RHBDL3: variants seen among roughly 807,000 people sequenced by gnomAD.
RHBDL3 encodes rhomboid-related protein 3.
Under a neutral mutation model 48.2 loss-of-function variants are expected in RHBDL3, and 28 were observed. That is an observed-to-expected ratio of 0.58 (90% CI 0.43 to 0.80). The LOEUF (loss-of-function observed/expected upper bound fraction) is 0.80. Ranked by LOEUF, RHBDL3 falls within the 30% of genes least tolerant of loss-of-function variation. The pLI, the probability that RHBDL3 is intolerant of heterozygous loss-of-function variation, is 0.00. For synonymous variants in RHBDL3, 208 were observed against 232.3 expected, an observed-to-expected ratio of 0.90 and a Z score of 0.95; for missense variants, 464 against 542.7, an observed-to-expected ratio of 0.85 and a Z score of 1.44.
intron 5 of RHBDL3, among the ~76,000 whole-genome samples, chr17:32,297,469 A>G (rs1224963374): frequency 6.6e-6 from 1 of 152,020 alleles, no homozygotes; most frequent in Non-Finnish European, 1.5e-5. Flanking sequence ...CTCAAAAAAC[A>G]AAACAAAACA....
Position 32,298,165 on chromosome 17 carries a change from A to C in RHBDL3, c.742A>C (p.Thr248Pro). 1.2e-6 allele frequency: 2 copies of C among 1,613,996 alleles called. No homozygotes were observed. The highest frequency in any genetic ancestry group is 1.7e-6 in the Non-Finnish European group (2 of 1,179,930). Residue 248 changes from threonine to proline, a missense_variant, in exon 6 of 9, where the codon ACC (threonine) becomes CCC (proline). By Grantham distance (38) the Thr-to-Pro change is conservative. Transcript: ENST00000269051. The stretch of plus-strand genomic sequence containing the variant: ...GCCCCTGGAGATGGTGCATGGAGCC[A>C]CCCGAATTGGGCTTGTCTACGTGGC... ...GVPLEMVHGA[T>P]RIGLVYVAGV...
At chr17:32,268,901 G>A (rs993674221) in intron 2 of RHBDL3, among the ~76,000 whole-genome samples, 6 of 152,152 alleles carry the variant, frequency 3.9e-5, no homozygotes, top group African/African-American at 1.4e-4. Context: ...GGGAAGCTAG[G>A]CAGGAGCTGC....
intron 1 of RHBDL3, among the ~76,000 whole-genome samples, chr17:32,267,515 C>T (rs1462023549): frequency 6.6e-6 from 1 of 152,026 alleles, no homozygotes; most frequent in Non-Finnish European, 1.5e-5. Flanking sequence ...CCATGCTCTC[C>T]CAGGCCTGGG....
intron 2 of RHBDL3, among the ~76,000 whole-genome samples, chr17:32,282,463 A>G (rs1321623458): frequency 1.3e-5 from 2 of 152,146 alleles, no homozygotes; most frequent in East Asian, 3.9e-4. Flanking sequence ...GCTACTTGAG[A>G]GGCTGAGGTG....
intron 7 of RHBDL3, among the ~76,000 whole-genome samples, chr17:32,306,427 A>G (rs1413643618): frequency 6.6e-6 from 1 of 152,018 alleles, no homozygotes; most frequent in Non-Finnish European, 1.5e-5. Flanking sequence ...CCGTCTCAAA[A>G]AAAACAGTTG....
chr17:32,290,844 T>C (rs144138096), intron 4 of RHBDL3, among the ~76,000 whole-genome samples: 382 of 151,284 alleles, frequency 2.5e-3, no homozygotes, highest in African/African-American at 6.9e-3. Context: ...CTACAAAATA[T>C]CAAAAAATTA....
intron 2 of RHBDL3, among the ~76,000 whole-genome samples, chr17:32,269,564 G>T (rs981172160): frequency 6.6e-6 from 1 of 152,200 alleles, no homozygotes; most frequent in Non-Finnish European, 1.5e-5. Flanking sequence ...TTCAAAGCAT[G>T]CACTGGCTCC....
chr17:32,314,274 G>C (rs1359056983), intron 7 of RHBDL3, among the ~76,000 whole-genome samples: 1 of 152,098 alleles, frequency 6.6e-6, no homozygotes, highest in East Asian at 1.9e-4. Flanking sequence ...CAAATATATA[G>C]ACATATGTAT....
rs138067344 is a variant in RHBDL3, at chr17:32,321,033, T to C, written c.1019T>C (p.Phe340Ser). ...SAYPPCPHPS[F>S]VAHLGGVAVG... is the part of the protein sequence containing the mutation. ...TATCCCCCGTGCCCTCACCCAAGCT[T>C]TGTGGCGCACTTGGGTGGCGTGGCC... is the stretch of plus-strand genomic sequence containing the variant. Residue 340 changes from phenylalanine (F) to serine (S), a missense_variant, in exon 9 of 9, where the codon TTT becomes TCT. Phe to Ser is a radical substitution (Grantham distance 155). Transcript: ENST00000269051. The C allele has an allele frequency of 3.7e-6, 6 of 1,614,012 alleles. No individual in the cohort carries two copies. The highest frequency in any genetic ancestry group is 5.1e-6 in the Non-Finnish European group (6 of 1,179,976).
At chr17:32,293,051 C>A (rs933901129) in intron 4 of RHBDL3, among the ~76,000 whole-genome samples, 1 of 151,752 alleles carries the variant, frequency 6.6e-6, no homozygotes, top group Non-Finnish European at 1.5e-5. Context: ...AAATATTATA[C>A]CAAGTGAAAT....
chr17:32,276,990 C>T (rs950600853), intron 2 of RHBDL3, among the ~76,000 whole-genome samples: 2 of 152,206 alleles, frequency 1.3e-5, no homozygotes, highest in Non-Finnish European at 2.9e-5. Flanking sequence ...TAGCACTGGA[C>T]TCCAGCCCTA....
chr17:32,310,268 C>T (rs544610818), intron 7 of RHBDL3, among the ~76,000 whole-genome samples: 1 of 152,212 alleles, frequency 6.6e-6, no homozygotes, highest in East Asian at 1.9e-4. Context: ...CTAACAGACA[C>T]TAAAGATTTC....
At chr17:32,278,058 G>A (rs2039955384) in intron 2 of RHBDL3, among the ~76,000 whole-genome samples, 1 of 152,182 alleles carries the variant, frequency 6.6e-6, no homozygotes, top group African/African-American at 2.4e-5. Context: ...AGCACTTTGG[G>A]AGGCTGAGGC....
chr17:32,303,875 G>C (rs2040646983), intron 6 of RHBDL3, among the ~76,000 whole-genome samples: 1 of 152,070 alleles, frequency 6.6e-6, no homozygotes, highest in Non-Finnish European at 1.5e-5. Flanking sequence ...ACCCTATACA[G>C]CCTGCAGAAT....
At chr17:32,284,442 A>G (rs1299576162) in intron 2 of RHBDL3, 3 of 506,178 alleles carry the variant, frequency 5.9e-6, no homozygotes, top group Non-Finnish European at 1.1e-5. Flanking sequence ...TCCACGTGAG[A>G]TGGTTGGATT....
At chr17:32,281,500 G>A (rs1054102104) in intron 2 of RHBDL3, among the ~76,000 whole-genome samples, 3 of 152,068 alleles carry the variant, frequency 2.0e-5, no homozygotes, top group Non-Finnish European at 4.4e-5. Flanking sequence ...GCCCCCACTG[G>A]GGGGCTCCCC....
At position 32,322,479 on chromosome 17, in the gene RHBDL3, C is replaced by G. The variant is rs2041159654; in HGVS notation, c.*1250C>G. On this transcript the variant is annotated 3_prime_UTR_variant, in exon 9 of 9. Coordinates refer to ENST00000269051, the MANE Select transcript of RHBDL3 (RefSeq NM_138328.3). ...CATATCCAAAAAGGTTCCATCCTAT[C>G]TCCCTTAGGAGAGAAAGAGCTTTGG... 6.6e-6 allele frequency: 1 copy of G among 152,306 alleles called. No individual in the cohort carries two copies. The highest frequency in any genetic ancestry group is 1.5e-5 in the Non-Finnish European group (1 of 68,138). 9.4% of individuals were successfully genotyped at this position (152,306 alleles called of 1,614,324 possible).
At position 32,274,864 on chromosome 17, in the gene RHBDL3, AAG is replaced by A. The variant is rs1212651530; in HGVS notation, c.135+6942_135+6943del. Reference sequence around the variant, plus strand: ...TGCATGCATGTGTGTTTGTGTGTGCAAGAGTGTGCATGTGTGTGTGTGTGCAC... The same window carrying A: ...TGCATGCATGTGTGTTTGTGTGTGCAAGTGTGCATGTGTGTGTGTGTGCAC... On this transcript the variant is annotated intron_variant, in intron 2 of 8. Coordinates refer to ENST00000269051, the MANE Select transcript of RHBDL3 (RefSeq NM_138328.3). 4.6e-5 allele frequency among the ~76,000 whole-genome samples: 7 copies of A among 152,064 alleles called. No individual in the cohort carries two copies. In the East Asian group the frequency reaches 1.4e-3, roughly 29 times the overall value.
intron 2 of RHBDL3, among the ~76,000 whole-genome samples, chr17:32,283,005 C>T: frequency 6.6e-6 from 1 of 152,206 alleles, no homozygotes; most frequent in East Asian, 1.9e-4. Context: ...ACACAGAATC[C>T]ACTTTCCTAA....
Sources: allele counts gnomAD v4.1 joint callset (sites outside exome capture counted in the v4.1 genomes callset), GRCh38; gene constraint gnomAD v4.1.1; transcripts MANE v1.5; gene names NCBI Gene and HGNC (gene_info 2026-07-23, HGNC 2026-07-21).